The following TRPM8 variants were observed in gnomAD, a reference collection of about 807,000 sequenced individuals.
The protein encoded by TRPM8 is transient receptor potential cation channel subfamily M member 8.
A neutral mutation model predicts 133.7 loss-of-function variants in TRPM8; 110 were observed. The ratio of observed to expected loss-of-function variants is 0.82; its 90% confidence interval spans 0.70 to 0.96. The LOEUF (loss-of-function observed/expected upper bound fraction) is 0.96. Ranked by LOEUF, TRPM8 falls within the 40% of genes least tolerant of loss-of-function variation. The probability of loss-of-function intolerance (pLI) is 0.00; values close to 1 mark genes in which losing one functional copy is unlikely to be tolerated. For missense variants in TRPM8, 1,291 were observed against 1,379.5 expected (o/e 0.94, Z 1.02); for synonymous variants, 535 against 532.3 (o/e 1.01, Z -0.07).
In TRPM8 at chr2:233,970,257, C is replaced by T. The variant is rs765451235; in HGVS notation, c.2186C>T (p.Ala729Val). Residue 729 changes from alanine to valine, a missense_variant, in exon 17 of 26, where the codon GCG becomes GTG. This residue lies in a region of TRPM8 where 963 missense variants were observed against 968.9 expected (regional missense o/e 0.99). Transcript: ENST00000324695. Reference protein sequence around the residue: ...KHKKLLWYYVAFFTSPFVVFS... With the variant: ...KHKKLLWYYVVFFTSPFVVFS... ...AAGAAGCTGCTTTGGTACTATGTGG[C>T]GTTCTTCACCTCCCCCTTCGTGGTC... The T allele has an allele frequency of 1.8e-5, 29 of 1,614,052 alleles. No homozygotes were observed. Among genetic ancestry groups the T allele is most frequent in the African/African-American group, 4.0e-5 (3 of 74,914 alleles).
At chr2:233,965,059 G>T (rs539947105) in intron 14 of TRPM8, among the ~76,000 whole-genome samples, 1,910 of 147,686 alleles carry the variant, frequency 0.013, 28 homozygotes, top group Non-Finnish European at 0.019. Flanking sequence ...TTTGTGGGGG[G>T]GGGGGGTGTT....
intron 2 of TRPM8, among the ~76,000 whole-genome samples, chr2:233,929,360 A>G (rs1218087203): frequency 6.6e-6 from 1 of 152,228 alleles, no homozygotes; most frequent in Non-Finnish European, 1.5e-5. Context: ...ATACCACAGG[A>G]CTTGCAGGGG....
chr2:233,947,019 A>G, intron 7 of TRPM8, 69 bp from the exon 8 acceptor site: 2 of 1,474,364 alleles, frequency 1.4e-6, no homozygotes, highest in Non-Finnish European at 1.9e-6. Flanking sequence ...CTCTTGGTCC[A>G]ACTTTTCACA....
intron 21 of TRPM8, among the ~76,000 whole-genome samples, chr2:233,994,173 C>A (rs1559545580): frequency 6.6e-6 from 1 of 152,244 alleles, no homozygotes; most frequent in East Asian, 1.9e-4. Flanking sequence ...CCTGAACTTC[C>A]CTAATCGGGG....
chr2:233,961,243 T>C (rs962829941), intron 12 of TRPM8, among the ~76,000 whole-genome samples, 177 bp downstream of exon 12: 2 of 152,220 alleles, frequency 1.3e-5, no homozygotes, highest in Non-Finnish European at 2.9e-5. Context: ...AGGGTGAGTC[T>C]CTGCTATTTC....
chr2:233,964,799 C>T, intron 14 of TRPM8, 42 bp downstream of exon 14: 2 of 1,555,940 alleles, frequency 1.3e-6, no homozygotes, highest in Non-Finnish European at 1.8e-6. Flanking sequence ...CGCGGATCTG[C>T]CATGTGGCAC....
intron 1 of TRPM8, among the ~76,000 whole-genome samples, chr2:233,924,446 G>C (rs557764200): frequency 1.3e-5 from 2 of 152,226 alleles, no homozygotes; most frequent in South Asian, 4.2e-4. Context: ...CAGGCCTTAA[G>C]TTCCTTCTTC....
chr2:234,002,323 C>T (rs1262009349), intron 22 of TRPM8, among the ~76,000 whole-genome samples: 1 of 151,920 alleles, frequency 6.6e-6, no homozygotes, highest in African/African-American at 2.4e-5. Context: ...TGGACTGTAT[C>T]CTACAGTCAC....
chr2:233,933,672 T>A (rs1691725203), intron 3 of TRPM8: 1 of 152,334 alleles, frequency 6.6e-6, no homozygotes, highest in Non-Finnish European at 1.5e-5. Context: ...CCCCTACCCT[T>A]AGCAGGGAAA....
At chr2:233,947,313 G>T in intron 8 of TRPM8, 158 bp downstream of exon 8, 1 of 1,545,528 alleles carries the variant, frequency 6.5e-7, no homozygotes, top group South Asian at 1.2e-5. Flanking sequence ...AACAGACTCC[G>T]GTTATTCCTC....
At chr2:233,927,370 A>C (rs896062295) in intron 2 of TRPM8, among the ~76,000 whole-genome samples, 1 of 152,286 alleles carries the variant, frequency 6.6e-6, no homozygotes, top group East Asian at 1.9e-4. Flanking sequence ...ACAAATACGC[A>C]AAAACCTGCT....
intron 21 of TRPM8, among the ~76,000 whole-genome samples, chr2:233,988,553 G>C (rs1360915065): frequency 6.6e-6 from 1 of 152,124 alleles, no homozygotes; most frequent in Admixed American, 6.5e-5. Flanking sequence ...TAGCTTCCTG[G>C]TGTATTATAT....
intron 17 of TRPM8, among the ~76,000 whole-genome samples, chr2:233,972,812 A>G (rs1032974492): frequency 6.6e-6 from 1 of 152,146 alleles, no homozygotes. Context: ...CTGGCCCGCA[A>G]GCTCCACACG....
intron 24 of TRPM8, among the ~76,000 whole-genome samples, chr2:234,010,129 C>T (rs1222208528): frequency 1.3e-5 from 2 of 152,128 alleles, no homozygotes; most frequent in African/African-American, 4.8e-5. Context: ...ACCAATATCA[C>T]CTGATTTGCC....
At chr2:233,946,982 C>A in intron 7 of TRPM8, 106 bp from the exon 8 acceptor site, 1 of 959,866 alleles carries the variant, frequency 1.0e-6, no homozygotes, top group Non-Finnish European at 1.6e-6. Context: ...AGCTATCTCT[C>A]CACACCCTAG....
rs959957145 is a variant in TRPM8 at position 234,014,626 on chromosome 2, C to G, written c.*14C>G. 1.4e-6 allele frequency: 2 copies of G among 1,458,180 alleles called. No individual in the cohort carries two copies. Among genetic ancestry groups the G allele is most frequent in the Non-Finnish European group, 1.9e-6 (2 of 1,076,506 alleles). 90.3% of individuals were successfully genotyped at this position (1,458,180 alleles called of 1,614,324 possible). A position where few individuals can be genotyped will look rare whatever the true frequency, so the allele number is the denominator to read the frequency against. ...AAAATCAAATAAAACTGTATGAACT[C>G]TAATGGAGAAAAATCTAATTATAGC... is the stretch of plus-strand genomic sequence containing the variant. On this transcript the variant is annotated 3_prime_UTR_variant, in exon 25 of 26. Transcript: ENST00000324695.
intron 17 of TRPM8, 57 bp from the exon 18 acceptor site, chr2:233,980,131 G>C: frequency 8.5e-7 from 1 of 1,179,456 alleles, no homozygotes. Flanking sequence ...TAAAAATCTG[G>C]AAATGGTTGA....
intron 17 of TRPM8, among the ~76,000 whole-genome samples, chr2:233,972,844 C>T (rs1032090329): frequency 6.6e-6 from 1 of 152,214 alleles, no homozygotes. Context: ...CCCGCTCACG[C>T]CACTCCTTCC....
Position 233,955,216 on chromosome 2 carries a change from A to G in TRPM8, c.1328A>G (p.Asn443Ser), listed in dbSNP as rs143385407. ...GAGTGGAACCAGCTGGACTTAGCCA[A>G]TGATGAGATTTTCACCAATGACCGC... ...LLEWNQLDLANDEIFTNDRRW... is the reference protein window; with the variant it reads ...LLEWNQLDLASDEIFTNDRRW... Residue 443 changes from asparagine (N) to serine (S), a missense_variant, in exon 11 of 26, where the codon AAT becomes AGT. Asn to Ser is a conservative substitution (Grantham distance 46, BLOSUM62 1). Coordinates refer to ENST00000324695, the MANE Select transcript of TRPM8 (RefSeq NM_024080.5). 4 of 1,614,204 alleles carry G rather than the reference A, an allele frequency of 2.5e-6. No individual in the cohort carries two copies. Among genetic ancestry groups the G allele is most frequent in the East Asian group, 2.2e-5 (1 of 44,886 alleles).
Sources: allele counts gnomAD v4.1 joint callset (sites outside exome capture counted in the v4.1 genomes callset), GRCh38; gene constraint gnomAD v4.1.1; regional missense constraint gnomAD v4.1.1; transcripts MANE v1.5; gene names NCBI Gene and HGNC (gene_info 2026-07-23, HGNC 2026-07-21).